EIF4G1: variants seen among roughly 807,000 people sequenced by gnomAD.
EIF4G1 encodes EIF4-gamma.
In EIF4G1, 4 loss-of-function variants were observed where a neutral mutation model predicts 187.8. That is an observed-to-expected ratio of 0.02 (90% CI 0.01 to 0.05). The LOEUF (loss-of-function observed/expected upper bound fraction) is 0.05, where lower values mean the gene tolerates loss of function less well. Among genes scored for constraint, EIF4G1 ranks in the 10% least tolerant of loss-of-function variants. The probability of loss-of-function intolerance (pLI) is 1.00; values close to 1 mark genes in which losing one functional copy is unlikely to be tolerated. For missense variants in EIF4G1, 1,647 were observed against 2,081.1 expected, an observed-to-expected ratio of 0.79 and a Z score of 4.06; for synonymous variants, 844 against 781.4, an observed-to-expected ratio of 1.08 and a Z score of -1.34.
intron 4 of EIF4G1, chr3:184,316,735 T>G (rs1381488464): frequency 6.3e-7 from 1 of 1,596,362 alleles, no homozygotes; most frequent in Non-Finnish European, 8.5e-7. Flanking sequence ...TCTCTGCAGG[T>G]AATATCCCTT....
chr3:184,333,063 C>T (rs1726442303), intron 32 of EIF4G1, among the ~76,000 whole-genome samples: 1 of 152,100 alleles, frequency 6.6e-6, no homozygotes, highest in Admixed American at 6.5e-5. Flanking sequence ...AGTGGCTCAG[C>T]CTTGCTGGTG....
chr3:184,317,825 G>A lies in EIF4G1; in HGVS notation c.424+9G>A. The A allele has an allele frequency of 6.2e-7, 1 of 1,604,316 alleles. No homozygotes were observed. The highest frequency in any genetic ancestry group is 8.5e-7 in the Non-Finnish European group (1 of 1,171,188). ...AGAATTTGGGACCTACGGTAAGCAG[G>A]GGAGGGAGTCAGAGGTGAGAACAAG... On this transcript the variant is annotated intron_variant, in intron 6 of 32. Transcript: ENST00000346169.
In EIF4G1 at chr3:184,327,273, G is replaced by T. The variant is rs1158434045; in HGVS notation, c.3486G>T (p.Glu1162Asp). 6.2e-7 allele frequency: 1 copy of T among 1,613,636 alleles called. No homozygotes were observed. The highest frequency in any genetic ancestry group is 1.3e-5 in the African/African-American group (1 of 74,950). The change falls in exon 24 of 33, where the codon GAG (glutamate) becomes GAT (aspartate). Residue 1162 changes from glutamate to aspartate, a missense_variant. Transcript: ENST00000346169. ...CTGGAGACCGAGGAGACCGCCTAGA[G>T]CGGAGTGAACGGGGAGGGGACCGTG... is the stretch of plus-strand genomic sequence containing the variant. ...EKAGDRGDRL[E>D]RSERGGDRGD...
chr3:184,329,244 C>T (rs1278240398), intron 28 of EIF4G1: 1 of 525,680 alleles, frequency 1.9e-6, no homozygotes, highest in African/African-American at 1.9e-5. Context: ...TTTATTCATT[C>T]ATTGAACTAG....
intron 28 of EIF4G1, among the ~76,000 whole-genome samples, chr3:184,329,721 G>A (rs1317263332): frequency 6.6e-6 from 1 of 152,238 alleles, no homozygotes; most frequent in African/African-American, 2.4e-5. Flanking sequence ...AAGTACTGTG[G>A]GGTTGCAAAG....
chr3:184,327,121 T>C (rs1486241764), intron 23 of EIF4G1, 95 bp from the exon 24 acceptor site: 3 of 1,577,696 alleles, frequency 1.9e-6, no homozygotes, highest in Non-Finnish European at 2.6e-6. Flanking sequence ...CTCATTATGC[T>C]AAGAACAAGG....
At position 184,320,738 on chromosome 3, in the gene EIF4G1, C is replaced by T. The variant is rs373532531; in HGVS notation, c.630+16C>T. The T allele has an allele frequency of 1.4e-4, 232 of 1,614,150 alleles. No individual in the cohort carries two copies. The highest frequency in any genetic ancestry group is 1.9e-4 in the Non-Finnish European group (224 of 1,180,010). On this transcript the variant is annotated intron_variant, in intron 8 of 32. Transcript: ENST00000346169. ...CCCTCCCCAGGTACTGTCTGCTTTT[C>T]GAGTGATACCCTGGCTGGGATGTCT...
intron 28 of EIF4G1, among the ~76,000 whole-genome samples, chr3:184,330,895 A>G (rs1725948066): frequency 6.6e-6 from 1 of 151,926 alleles, no homozygotes; most frequent in Non-Finnish European, 1.5e-5. Flanking sequence ...ACCCACCACC[A>G]CGCCTGGCTA....
chr3:184,329,485 G>T (rs1725605318), intron 28 of EIF4G1, among the ~76,000 whole-genome samples: 1 of 152,090 alleles, frequency 6.6e-6, no homozygotes, highest in African/African-American at 2.4e-5. Context: ...ACAAAAATTA[G>T]CCGTGTTGTG....
At chr3:184,318,256 A>C (rs1403166821) in intron 6 of EIF4G1, among the ~76,000 whole-genome samples, 1 of 152,248 alleles carries the variant, frequency 6.6e-6, no homozygotes, top group Non-Finnish European at 1.5e-5. Context: ...TCTCTCATAC[A>C]TGTATGTTTT....
chr3:184,320,304 C>T (rs1207928947), intron 7 of EIF4G1: 17 of 1,277,034 alleles, frequency 1.3e-5, no homozygotes, highest in African/African-American at 3.0e-5. Context: ...ACAAGTGAGC[C>T]GATTGGGTTC....
In EIF4G1 at chr3:184,334,691, C is replaced by G. The variant is rs201392078; in HGVS notation, c.4619-36C>G. ...CTGGGGTGGGCTGGGGTGGCGGTGG[C>G]CAGTCACCTCTAACTGCTGTCCCGC... On this transcript the variant is annotated intron_variant, in intron 32 of 32. Coordinates refer to ENST00000346169, the MANE Select transcript of EIF4G1 (RefSeq NM_198241.3). The surrounding 1 kb of genome is among the most constrained non-coding windows in gnomAD (Gnocchi z 5.8). 2.9e-4 allele frequency: 468 copies of G among 1,613,678 alleles called. No individual in the cohort carries two copies. In the African/African-American group the frequency reaches 5.5e-3, roughly 19 times the overall value.
In EIF4G1 at chr3:184,325,134, G is replaced by A. The variant is rs1354956837; in HGVS notation, c.2856+20G>A. On this transcript the variant is annotated intron_variant, in intron 18 of 32. Transcript: ENST00000346169. This position sits in a 1 kb window ranked among gnomAD's most constrained non-coding sequence, Gnocchi z 5.2. The stretch of plus-strand genomic sequence containing the variant: ...GCCAAGGTAGAGGTCCTTGCATCTG[G>A]AGGGGGATGGGCTGAAGCATATGTG... 1 of 1,612,772 alleles carries A rather than the reference G, an allele frequency of 6.2e-7. No homozygotes were observed. The highest frequency in any genetic ancestry group is 2.2e-5 in the East Asian group (1 of 44,852).
intron 6 of EIF4G1, among the ~76,000 whole-genome samples, chr3:184,318,129 T>C (rs183157504): frequency 6.6e-6 from 1 of 152,144 alleles, no homozygotes; most frequent in African/African-American, 2.4e-5. Flanking sequence ...GTAATGCAAA[T>C]TTGGGAGGTT....
At chr3:184,319,002 A>T (rs1463071151) in intron 6 of EIF4G1, among the ~76,000 whole-genome samples, 3 of 151,534 alleles carry the variant, frequency 2.0e-5, no homozygotes, top group African/African-American at 4.8e-5. Flanking sequence ...TGAACCCGGG[A>T]TGTGGAGATT....
At position 184,323,221 on chromosome 3, in the gene EIF4G1, G is replaced by C; in HGVS notation, c.2068G>C (p.Gly690Arg). The C allele has an allele frequency of 6.2e-7, 1 of 1,614,172 alleles. No individual in the cohort carries two copies. ...TGGGCCCCCAAGGGGTGGGCCAGGTGGGGAGCTGCCCCGTGGGCCGGTGAG... is the reference window on the plus strand; with the variant it reads ...TGGGCCCCCAAGGGGTGGGCCAGGTCGGGAGCTGCCCCGTGGGCCGGTGAG... ...TRGPPRGGPG[G>R]ELPRGPAGLG... Residue 690 changes from glycine to arginine, a missense_variant, in exon 14 of 33, where the codon GGG becomes CGG. This residue lies in a region of EIF4G1 where 140 missense variants were observed against 222.2 expected (regional missense o/e 0.63). Transcript: ENST00000346169. This position sits in a 1 kb window ranked among gnomAD's most constrained non-coding sequence, Gnocchi z 6.9.
chr3:184,332,145 T>C (rs1161012192), intron 32 of EIF4G1, 59 bp downstream of exon 32: 2 of 1,612,220 alleles, frequency 1.2e-6, no homozygotes, highest in African/African-American at 1.3e-5. Context: ...TAGCAGGGCA[T>C]GAGACCCTTC....
intron 29 of EIF4G1, 34 bp from the exon 30 acceptor site, chr3:184,331,438 C>G: frequency 1.2e-6 from 2 of 1,614,164 alleles, no homozygotes; most frequent in African/African-American, 1.3e-5. Context: ...TGTTGGCAAC[C>G]TTACCTCTTA....
chr3:184,323,320 G>C lies in EIF4G1; in HGVS notation c.2088+79G>C. 10 of 1,611,602 alleles carry C rather than the reference G, an allele frequency of 6.2e-6. No individual in the cohort carries two copies. The highest frequency in any genetic ancestry group is 8.5e-6 in the Non-Finnish European group (10 of 1,178,276). On this transcript the variant is annotated intron_variant, in intron 14 of 32. Transcript: ENST00000346169. The surrounding 1 kb of genome is among the most constrained non-coding windows in gnomAD (Gnocchi z 6.9). ...CCGTGTCTCAGTGCCCGCGGGGAGG[G>C]GTTTGCCCTGGAGGCGTGTAGTAGT... is the stretch of plus-strand genomic sequence containing the variant.
Sources: allele counts gnomAD v4.1 joint callset (sites outside exome capture counted in the v4.1 genomes callset), GRCh38; gene constraint gnomAD v4.1.1; regional missense constraint gnomAD v4.1.1; non-coding constraint Gnocchi (gnomAD v3.1); transcripts MANE v1.5; gene names NCBI Gene and HGNC (gene_info 2026-07-23, HGNC 2026-07-21).